The following TBC1D22A variants were observed in gnomAD, a reference collection of about 807,000 sequenced individuals.
The protein encoded by TBC1D22A is TBC1 domain family member 22A.
A neutral mutation model predicts 60.2 loss-of-function variants in TBC1D22A; 38 were observed. The observed-to-expected ratio is 0.63, with a 90% CI of 0.49 to 0.83. The LOEUF (loss-of-function observed/expected upper bound fraction) is 0.83. TBC1D22A is among the 40% of genes least tolerant of loss of function. TBC1D22A has a pLI of 0.00. For synonymous variants in TBC1D22A, 302 were observed against 281.7 expected, an observed-to-expected ratio of 1.07 and a Z score of -0.72; for missense variants, 628 against 701.0, an observed-to-expected ratio of 0.90 and a Z score of 1.18.
At chr22:47,047,151 C>T (rs1288661717) in intron 11 of TBC1D22A, among the ~76,000 whole-genome samples, 5 of 152,096 alleles carry the variant, frequency 3.3e-5, no homozygotes, top group Non-Finnish European at 5.9e-5. Context: ...GAGGGTGTGG[C>T]GGAGGAGGGC....
chr22:47,140,569 AG>A (rs937321034), intron 12 of TBC1D22A, among the ~76,000 whole-genome samples: 1 of 148,416 alleles, frequency 6.7e-6, no homozygotes, highest in African/African-American at 2.6e-5. Context: ...AAAAAAAAAA[AG>A]AAAGAAAGAA....
At chr22:46,893,036 C>A (rs1223541436) in intron 6 of TBC1D22A, among the ~76,000 whole-genome samples, 1 of 152,242 alleles carries the variant, frequency 6.6e-6, no homozygotes, top group Non-Finnish European at 1.5e-5. Context: ...TTCTCCTTTA[C>A]ATCCACTTGG....
At chr22:47,060,208 G>T (rs1359920789) in intron 11 of TBC1D22A, among the ~76,000 whole-genome samples, 1 of 151,288 alleles carries the variant, frequency 6.6e-6, no homozygotes, top group African/African-American at 2.4e-5. Context: ...CCTCCCTTCA[G>T]CCTCTGCGGC....
chr22:46,762,919 C>T, intron 1 of TBC1D22A, 71 bp downstream of exon 1: 4 of 1,402,636 alleles, frequency 2.9e-6, no homozygotes, highest in Non-Finnish European at 3.8e-6. Context: ...GCCTCCTGGG[C>T]TGCGGGTGGA....
intron 1 of TBC1D22A, among the ~76,000 whole-genome samples, chr22:46,765,832 G>A (rs2083262862): frequency 6.7e-6 from 1 of 149,560 alleles, no homozygotes; most frequent in Admixed American, 6.7e-5. Flanking sequence ...CCAGGCTGGA[G>A]TGCAGTGGCA....
intron 8 of TBC1D22A, among the ~76,000 whole-genome samples, chr22:46,968,082 C>G (rs939932937): frequency 6.6e-6 from 1 of 152,198 alleles, no homozygotes; most frequent in Non-Finnish European, 1.5e-5. Context: ...TGGTGACGGG[C>G]TCTTTTGCTG....
intron 11 of TBC1D22A, among the ~76,000 whole-genome samples, chr22:47,110,717 G>A (rs969408849): frequency 2.0e-5 from 3 of 152,180 alleles, no homozygotes; most frequent in Admixed American, 6.5e-5. Flanking sequence ...GATGTTGCAT[G>A]GGCAAGGCAG....
chr22:46,813,598 T>C (rs139578), intron 4 of TBC1D22A, among the ~76,000 whole-genome samples: 61,287 of 152,104 alleles, frequency 0.4, 12,512 homozygotes, highest in African/African-American at 0.47. Flanking sequence ...CAAAGGCTTC[T>C]GCTCCAATGG....
intron 11 of TBC1D22A, among the ~76,000 whole-genome samples, chr22:47,074,512 C>T (rs997295593): frequency 2.6e-5 from 4 of 152,224 alleles, no homozygotes; most frequent in Non-Finnish European, 4.4e-5. Flanking sequence ...TTAGGAAAGG[C>T]GTCTCTCATT....
chr22:47,008,840 C>T (rs1240534881), intron 10 of TBC1D22A, among the ~76,000 whole-genome samples: 1 of 152,148 alleles, frequency 6.6e-6, no homozygotes, highest in Non-Finnish European at 1.5e-5. Context: ...CAGGAACAGG[C>T]TGACCTCCCA....
intron 9 of TBC1D22A, among the ~76,000 whole-genome samples, chr22:46,995,545 TAG>T (rs1220938955): frequency 8.6e-5 from 13 of 152,008 alleles, no homozygotes; most frequent in African/African-American, 3.1e-4. Flanking sequence ...GAGAGAAACG[TAG>T]AGAGTGCTGG....
At chr22:46,847,539 T>C (rs1420208238) in intron 4 of TBC1D22A, among the ~76,000 whole-genome samples, 1 of 152,218 alleles carries the variant, frequency 6.6e-6, no homozygotes, top group African/African-American at 2.4e-5. Context: ...TTCTATCCCT[T>C]CTCTTCACAC....
chr22:46,769,886 A>G (rs1569354341), intron 1 of TBC1D22A, among the ~76,000 whole-genome samples: 2 of 152,078 alleles, frequency 1.3e-5, no homozygotes, highest in African/African-American at 4.8e-5. Flanking sequence ...CACATGGCAC[A>G]CTCAGGATTC....
intron 1 of TBC1D22A, among the ~76,000 whole-genome samples, chr22:46,787,407 T>C (rs2084206183): frequency 6.6e-6 from 1 of 152,280 alleles, no homozygotes; most frequent in East Asian, 1.9e-4. Context: ...GGCCAGTGCA[T>C]GTGGCGGCTC....
intron 8 of TBC1D22A, among the ~76,000 whole-genome samples, chr22:46,958,879 C>G (rs1331801989): frequency 6.6e-6 from 1 of 152,218 alleles, no homozygotes; most frequent in Non-Finnish European, 1.5e-5. Flanking sequence ...AGAGCAGCAG[C>G]CTTCTCATTG....
intron 1 of TBC1D22A, among the ~76,000 whole-genome samples, chr22:46,784,538 A>G (rs564849005): frequency 2.6e-5 from 4 of 152,312 alleles, no homozygotes; most frequent in Non-Finnish European, 5.9e-5. Flanking sequence ...TCTCAGTTGA[A>G]CTTTGTTGGA....
At position 46,775,862 on chromosome 22, in the gene TBC1D22A, G is replaced by A. The variant is rs115015738; in HGVS notation, c.62+13014G>A. Among the ~76,000 whole-genome samples, 532 of 152,320 alleles carry A rather than the reference G, an allele frequency of 3.5e-3. 4 individuals are homozygous for A. Among genetic ancestry groups the A allele is most frequent in the African/African-American group, 0.011 (474 of 41,566 alleles). On this transcript the variant is annotated intron_variant, in intron 1 of 12. Transcript: ENST00000337137. The stretch of plus-strand genomic sequence containing the variant: ...TGGAAGTTAATTCCTTCAAAGATAC[G>A]GTGTACCTTTAAAATGCTTAATCAT...
At chr22:46,881,435 G>A (rs1317720687) in intron 5 of TBC1D22A, among the ~76,000 whole-genome samples, 3 of 152,176 alleles carry the variant, frequency 2.0e-5, no homozygotes, top group South Asian at 2.1e-4. Context: ...ACGTGGAGAC[G>A]GATCCCATTC....
intron 12 of TBC1D22A, among the ~76,000 whole-genome samples, chr22:47,130,642 T>C (rs1426027835): frequency 1.3e-5 from 2 of 152,208 alleles, no homozygotes; most frequent in Non-Finnish European, 2.9e-5. Flanking sequence ...CCCCAACACC[T>C]CTGCCCTGAG....
Sources: gnomAD v4.1 joint callset for allele counts (sites outside exome capture counted in the v4.1 genomes callset) on GRCh38, gnomAD v4.1.1 for gene constraint, MANE v1.5 for transcripts, NCBI Gene and HGNC (gene_info 2026-07-23, HGNC 2026-07-21) for gene names.